The following PDSS2 variants were observed in gnomAD, a reference collection of about 807,000 sequenced individuals.
The protein encoded by PDSS2 is all trans-polyprenyl-diphosphate synthase PDSS2.
In PDSS2, 31 loss-of-function variants were observed where a neutral mutation model predicts 44.5. The ratio of observed to expected loss-of-function variants is 0.70; its 90% CI spans 0.52 to 0.94. The LOEUF is 0.94. PDSS2 is among the 40% of genes least tolerant of loss of function. The pLI is 0.00. For synonymous variants in PDSS2, 157 were observed against 180.3 expected (o/e 0.87, Z 1.03); for missense variants, 452 against 482.2 (o/e 0.94, Z 0.59).
At chr6:107,435,502 G>T (rs1781323999) in intron 1 of PDSS2, among the ~76,000 whole-genome samples, 1 of 151,932 alleles carries the variant, frequency 6.6e-6, no homozygotes, top group Non-Finnish European at 1.5e-5. Context: ...ATATATACTA[G>T]AGTAGTAGTC....
chr6:107,386,110 T>G (rs1779603309), intron 1 of PDSS2, among the ~76,000 whole-genome samples: 1 of 152,164 alleles, frequency 6.6e-6, no homozygotes. Context: ...AGCTACAAAT[T>G]TTTGTCCTTA....
intron 2 of PDSS2, among the ~76,000 whole-genome samples, chr6:107,281,545 G>A (rs761727408): frequency 6.6e-6 from 1 of 152,190 alleles, no homozygotes; most frequent in Non-Finnish European, 1.5e-5. Context: ...GTATCATTTA[G>A]AAGTAGAGGA....
At chr6:107,455,226 C>G (rs17511672) in intron 1 of PDSS2, among the ~76,000 whole-genome samples, 1 of 148,016 alleles carries the variant, frequency 6.8e-6, no homozygotes, top group South Asian at 2.3e-4. Context: ...ATCTAGGATG[C>G]CTCTGGTGGC....
At chr6:107,458,103 G>A (rs1782105708) in intron 1 of PDSS2, among the ~76,000 whole-genome samples, 1 of 151,994 alleles carries the variant, frequency 6.6e-6, no homozygotes, top group African/African-American at 2.4e-5. Flanking sequence ...GAGTATGCAA[G>A]TGTGTTCTTT....
intron 7 of PDSS2, among the ~76,000 whole-genome samples, chr6:107,156,486 G>A (rs782556946): frequency 2.6e-5 from 4 of 152,156 alleles, no homozygotes; most frequent in Admixed American, 6.6e-5. Flanking sequence ...GAGCCACCAT[G>A]CCTGGCCAGT....
intron 7 of PDSS2, among the ~76,000 whole-genome samples, chr6:107,176,708 A>G (rs1174840032): frequency 6.6e-6 from 1 of 152,224 alleles, no homozygotes; most frequent in African/African-American, 2.4e-5. Context: ...CGTACAAATT[A>G]TCATAACTGA....
At chr6:107,332,616 G>GAA (rs59929312) in intron 2 of PDSS2, among the ~76,000 whole-genome samples, 11 of 147,674 alleles carry the variant, frequency 7.4e-5, no homozygotes, top group Non-Finnish European at 1.6e-4. Context: ...ATGTAATCAA[G>GAA]AAAAAAAAAA....
At chr6:107,267,415 A>T (rs1449283478) in intron 3 of PDSS2, among the ~76,000 whole-genome samples, 1 of 152,174 alleles carries the variant, frequency 6.6e-6, no homozygotes, top group Non-Finnish European at 1.5e-5. Flanking sequence ...GGAGAGATGG[A>T]TGATACAGTT....
chr6:107,258,591 C>T (rs553328228), intron 3 of PDSS2, among the ~76,000 whole-genome samples: 1 of 152,164 alleles, frequency 6.6e-6, no homozygotes, highest in African/African-American at 2.4e-5. Flanking sequence ...CACCTGAGGT[C>T]AGGAGTTCAA....
At chr6:107,163,762 G>A (rs1431324140) in intron 7 of PDSS2, among the ~76,000 whole-genome samples, 15 of 151,842 alleles carry the variant, frequency 9.9e-5, no homozygotes, top group Admixed American at 7.9e-4. Flanking sequence ...GCCACCACAC[G>A]CAGCTAATTT....
intron 4 of PDSS2, among the ~76,000 whole-genome samples, chr6:107,222,032 C>T (rs1467372743): frequency 6.6e-6 from 1 of 152,170 alleles, no homozygotes; most frequent in East Asian, 1.9e-4. Context: ...TATTCTGGGT[C>T]ACTATCTTTA....
At chr6:107,208,203 C>G (rs1225515203) in intron 6 of PDSS2, among the ~76,000 whole-genome samples, 2 of 147,674 alleles carry the variant, frequency 1.4e-5, no homozygotes, top group African/African-American at 5.0e-5. Flanking sequence ...TCAGGCTGGT[C>G]TCGAACTCCT....
At chr6:107,377,282 G>GA (rs888319663) in intron 1 of PDSS2, among the ~76,000 whole-genome samples, 1 of 152,122 alleles carries the variant, frequency 6.6e-6, no homozygotes, top group African/African-American at 2.4e-5. Flanking sequence ...AAACACACAT[G>GA]AAAAAATGCT....
rs139742029 is a variant in PDSS2 at position 107,301,163 on chromosome 6, C to T, written c.432-26936G>A. Among the ~76,000 whole-genome samples, 154 of 152,252 alleles carry T rather than the reference C, an allele frequency of 1.0e-3. 1 individual carries two copies. In the East Asian group the frequency reaches 0.026, roughly 26 times the overall value. ...TTTATAGTATATAAATTGTGATTCG[C>T]GGACTTTTTCATTACTTTGTGTGTA... On this transcript the variant is annotated intron_variant, in intron 2 of 7. Transcript: ENST00000369037.
chr6:107,426,720 A>G (rs528097640), intron 1 of PDSS2, among the ~76,000 whole-genome samples: 8 of 152,274 alleles, frequency 5.3e-5, no homozygotes, highest in Non-Finnish European at 7.4e-5. Flanking sequence ...AATGCAAGAC[A>G]TGGAGTCAAA....
In PDSS2 at chr6:107,292,468, T is replaced by C. The variant is rs78314338; in HGVS notation, c.432-18241A>G. 0.013 allele frequency among the ~76,000 whole-genome samples: 1,997 copies of C among 152,264 alleles called. 116 individuals carry two copies. The East Asian group carries it at 0.19, about 15-fold the overall frequency. On this transcript the variant is annotated intron_variant, in intron 2 of 7. Transcript: ENST00000369037. ...AGAAGTAAGATGCCTTTGGTGGTGG[T>C]AGTCATACTTGAAAGAGCAGAGGGA...
At chr6:107,355,941 C>G (rs1333520999) in intron 1 of PDSS2, among the ~76,000 whole-genome samples, 1 of 152,200 alleles carries the variant, frequency 6.6e-6, no homozygotes, top group African/African-American at 2.4e-5. Context: ...CTCTTTATCC[C>G]TGATGAGGAA....
chr6:107,172,011 T>G (rs1357256372), intron 7 of PDSS2, among the ~76,000 whole-genome samples: 1 of 152,186 alleles, frequency 6.6e-6, no homozygotes. Flanking sequence ...ATATAGCACT[T>G]TAGGGCACTA....
Position 107,225,137 on chromosome 6 carries a change from T to TATATATATATATATATTTATA in PDSS2, c.703-12856_703-12855insTATAAATATATATATATATAT, listed in dbSNP as rs1446558243. On this transcript the variant is annotated intron_variant, in intron 4 of 7. Transcript: ENST00000369037. Reference sequence around the variant, plus strand: ...AGGAAGCTTCACTATATATATATTTTTATATATATATATATATATATATAT... The same window carrying TATATATATATATATATTTATA: ...AGGAAGCTTCACTATATATATATTTTATATATATATATATATTTATATATATATATATATATATATATATAT... Among the ~76,000 whole-genome samples the TATATATATATATATATTTATA allele has an allele frequency of 1.5e-3, 93 of 62,362 alleles. 4 individuals carry two copies. Among genetic ancestry groups the TATATATATATATATATTTATA allele is most frequent in the Non-Finnish European group, 2.0e-3 (77 of 38,404 alleles). The allele number at this position is 62,362 out of a possible 152,430, so 40.9% of individuals were successfully genotyped here.
Sources: allele counts gnomAD v4.1 joint callset (sites outside exome capture counted in the v4.1 genomes callset), GRCh38; gene constraint gnomAD v4.1.1; transcripts MANE v1.5; gene names NCBI Gene and HGNC (gene_info 2026-07-23, HGNC 2026-07-21).